The following ANO10 variants were observed in gnomAD, a reference collection of about 807,000 sequenced individuals.
ANO10 encodes anoctamin 10, also known as anoctamin-10.
ANO10 carries 77 observed loss-of-function variants against 74.7 expected under a neutral mutation model. The observed-to-expected ratio is 1.03, with a 90% confidence interval of 0.86 to 1.25. The LOEUF is 1.25. ANO10 is among the 50% of genes most tolerant of loss of function. The probability of loss-of-function intolerance (pLI) is 0.00; values close to 1 mark genes in which losing one functional copy is unlikely to be tolerated. For missense variants in ANO10, 721 were observed against 778.1 expected, an observed-to-expected ratio of 0.93 and a Z score of 0.87; for synonymous variants, 279 against 284.9, an observed-to-expected ratio of 0.98 and a Z score of 0.21.
chr3:43,508,874 C>T (rs1193740608), intron 11 of ANO10, among the ~76,000 whole-genome samples: 1 of 146,140 alleles, frequency 6.8e-6, no homozygotes, highest in African/African-American at 2.6e-5. Flanking sequence ...AGCACACCAA[C>T]ATGGCACATG....
At chr3:43,522,593 A>T (rs1369428277) in intron 11 of ANO10, among the ~76,000 whole-genome samples, 1 of 152,230 alleles carries the variant, frequency 6.6e-6, no homozygotes, top group African/African-American at 2.4e-5. Flanking sequence ...CTTTGAAAGT[A>T]TTGATGCTGG....
intron 11 of ANO10, among the ~76,000 whole-genome samples, chr3:43,522,597 A>T (rs1296881193): frequency 1.3e-5 from 2 of 152,190 alleles, no homozygotes; most frequent in Non-Finnish European, 2.9e-5. Flanking sequence ...GAAAGTATTG[A>T]TGCTGGAAAT....
chr3:43,595,544 T>G (rs2082035081), intron 4 of ANO10, among the ~76,000 whole-genome samples: 1 of 152,168 alleles, frequency 6.6e-6, no homozygotes, highest in South Asian at 2.1e-4. Flanking sequence ...AGAAAAGGCC[T>G]TCGAGAAAAT....
intron 1 of ANO10, 21 bp from the exon 2 acceptor site, chr3:43,605,884 G>C: frequency 6.2e-7 from 1 of 1,610,598 alleles, no homozygotes; most frequent in Non-Finnish European, 8.5e-7. Context: ...TTAAAATAAA[G>C]AGTGAAAATG....
chr3:43,630,097 G>A (rs2083531249), intron 1 of ANO10, among the ~76,000 whole-genome samples: 1 of 152,176 alleles, frequency 6.6e-6, no homozygotes, highest in African/African-American at 2.4e-5. Flanking sequence ...GGGAAGGGCA[G>A]TGTCTCAGAA....
chr3:43,494,113 A>G (rs1399493318), intron 11 of ANO10, among the ~76,000 whole-genome samples: 1 of 152,222 alleles, frequency 6.6e-6, no homozygotes, highest in Non-Finnish European at 1.5e-5. Flanking sequence ...TGTTTTCAAT[A>G]TTGTTTTTGA....
chr3:43,672,613 T>C (rs1024007505), intron 1 of ANO10, among the ~76,000 whole-genome samples: 8 of 152,168 alleles, frequency 5.3e-5, no homozygotes, highest in South Asian at 2.1e-4. Context: ...TTTAGTCTAA[T>C]AAACAGGTCT....
intron 9 of ANO10, among the ~76,000 whole-genome samples, chr3:43,558,648 A>G (rs2149337924): frequency 6.6e-6 from 1 of 152,348 alleles, no homozygotes; most frequent in South Asian, 2.1e-4. Flanking sequence ...AGACTCACAT[A>G]TAACAGTCAG....
intron 3 of ANO10, among the ~76,000 whole-genome samples, chr3:43,600,073 T>C (rs1448842380): frequency 1.3e-5 from 2 of 152,322 alleles, no homozygotes; most frequent in African/African-American, 4.8e-5. Flanking sequence ...GTTACATGTG[T>C]TCCTCTAATT....
chr3:43,652,927 C>T (rs2083804810), intron 1 of ANO10: 1 of 151,868 alleles, frequency 6.6e-6, no homozygotes, highest in African/African-American at 2.4e-5. Flanking sequence ...CAATGCCAGG[C>T]CGGGTGTGGT....
chr3:43,619,124 A>T (rs2083265297), intron 1 of ANO10, among the ~76,000 whole-genome samples: 1 of 152,228 alleles, frequency 6.6e-6, no homozygotes, highest in Admixed American at 6.5e-5. Flanking sequence ...ATCTTAATCA[A>T]ACAGTAGTCT....
chr3:43,488,343 T>C (rs1365289105), intron 11 of ANO10, among the ~76,000 whole-genome samples: 2 of 150,378 alleles, frequency 1.3e-5, no homozygotes, highest in Non-Finnish European at 3.0e-5. Flanking sequence ...CTAAAGAGCT[T>C]CTGCACAGCA....
intron 9 of ANO10, among the ~76,000 whole-genome samples, chr3:43,557,999 G>A (rs2149335890): frequency 6.6e-6 from 1 of 151,402 alleles, no homozygotes; most frequent in South Asian, 2.1e-4. Context: ...CAGCTACTCA[G>A]GAGGCTGAGG....
At chr3:43,576,568 G>T in intron 6 of ANO10, 124 bp downstream of exon 6, 1 of 974,028 alleles carries the variant, frequency 1.0e-6, no homozygotes, top group Non-Finnish European at 1.6e-6. Flanking sequence ...TTTTCCTTAT[G>T]TCTCTATAAT....
At chr3:43,558,297 T>C (rs1485972823) in intron 9 of ANO10, among the ~76,000 whole-genome samples, 2 of 152,210 alleles carry the variant, frequency 1.3e-5, no homozygotes, top group Non-Finnish European at 1.5e-5. Context: ...GTTCATTTAC[T>C]GTGCAGCAAT....
At chr3:43,601,835 T>C (rs2082347269) in intron 2 of ANO10, among the ~76,000 whole-genome samples, 1 of 152,218 alleles carries the variant, frequency 6.6e-6, no homozygotes, top group Non-Finnish European at 1.5e-5. Flanking sequence ...AATAGGTTGG[T>C]GAGCGTGGTA....
chr3:43,661,591 A>T (rs536337823), intron 1 of ANO10, among the ~76,000 whole-genome samples: 1 of 152,344 alleles, frequency 6.6e-6, no homozygotes, highest in South Asian at 2.1e-4. Context: ...AAATGCCCCA[A>T]TTAAAAGACA....
intron 1 of ANO10, among the ~76,000 whole-genome samples, chr3:43,620,336 G>T (rs1043350663): frequency 2.0e-5 from 3 of 151,984 alleles, no homozygotes; most frequent in Admixed American, 6.6e-5. Flanking sequence ...CCCCAATTAG[G>T]TAACAATACT....
intron 1 of ANO10, among the ~76,000 whole-genome samples, chr3:43,670,289 G>C (rs2084042668): frequency 6.6e-6 from 1 of 151,592 alleles, no homozygotes; most frequent in South Asian, 2.1e-4. Flanking sequence ...TTGCGCCTGG[G>C]AGGATGAGGC....
Sources: gnomAD v4.1 joint callset for allele counts (sites outside exome capture counted in the v4.1 genomes callset) on GRCh38, gnomAD v4.1.1 for gene constraint, MANE v1.5 for transcripts, NCBI Gene and HGNC (gene_info 2026-07-23, HGNC 2026-07-21) for gene names.